EXOC6B: variants seen among roughly 807,000 people sequenced by gnomAD.
EXOC6B encodes exocyst complex component 6B.
EXOC6B carries 54 observed loss-of-function variants against 113.5 expected under a neutral mutation model. The ratio of observed to expected loss-of-function variants is 0.48; its 90% CI spans 0.38 to 0.60. The LOEUF (loss-of-function observed/expected upper bound fraction) is 0.60, where lower values mean the gene tolerates loss of function less well. Ranked by LOEUF, EXOC6B falls within the 20% of genes least tolerant of loss-of-function variation. The probability of loss-of-function intolerance (pLI) is 0.00; values close to 1 mark genes in which losing one functional copy is unlikely to be tolerated. For synonymous variants in EXOC6B, 357 were observed against 339.0 expected (o/e 1.05, Z -0.58); for missense variants, 797 against 977.5 (o/e 0.82, Z 2.46).
At chr2:72,720,502 C>T (rs189750267) in intron 5 of EXOC6B, among the ~76,000 whole-genome samples, 2 of 152,206 alleles carry the variant, frequency 1.3e-5, no homozygotes, top group Non-Finnish European at 2.9e-5. Context: ...AATGCCAACA[C>T]TTTGGGAGGT....
intron 6 of EXOC6B, among the ~76,000 whole-genome samples, chr2:72,586,722 A>AGCCT (rs922953508): frequency 6.6e-6 from 1 of 152,128 alleles, no homozygotes; most frequent in African/African-American, 2.4e-5. Flanking sequence ...ACTGCACGCT[A>AGCCT]GCCTGGCGGC....
rs539309236 is a variant in EXOC6B, at chr2:72,291,879, G to C, written c.2196+43068C>G. 4.0e-3 allele frequency among the ~76,000 whole-genome samples: 608 copies of C among 152,218 alleles called. 2 individuals are homozygous for C. The highest frequency in any genetic ancestry group is 0.014 in the African/African-American group (579 of 41,552). Reference sequence around the variant, plus strand: ...AAAAATTTAAAGAAAAAGTTAAAACGCTTAACAGTGCAAAAGTCTAAAACG... The same window carrying C: ...AAAAATTTAAAGAAAAAGTTAAAACCCTTAACAGTGCAAAAGTCTAAAACG... On this transcript the variant is annotated intron_variant, in intron 20 of 21. Transcript: ENST00000272427.
intron 8 of EXOC6B, among the ~76,000 whole-genome samples, chr2:72,536,540 T>G (rs1702301457): frequency 6.6e-6 from 1 of 152,242 alleles, no homozygotes; most frequent in Admixed American, 6.5e-5. Context: ...AAATTAGATG[T>G]ACATATTTTT....
intron 18 of EXOC6B, among the ~76,000 whole-genome samples, chr2:72,446,314 G>A (rs1387922515): frequency 6.6e-6 from 1 of 151,896 alleles, no homozygotes; most frequent in Non-Finnish European, 1.5e-5. Context: ...AGGAGGTGGA[G>A]GCCGCGGTGA....
intron 18 of EXOC6B, among the ~76,000 whole-genome samples, chr2:72,449,610 T>C (rs899262404): frequency 1.3e-5 from 2 of 150,476 alleles, no homozygotes; most frequent in African/African-American, 4.9e-5. Flanking sequence ...ATAAGAAAAA[T>C]ACAAAAATAT....
At chr2:72,603,370 C>T (rs542934164) in intron 6 of EXOC6B, among the ~76,000 whole-genome samples, 2 of 152,078 alleles carry the variant, frequency 1.3e-5, no homozygotes, top group African/African-American at 4.8e-5. Flanking sequence ...CTCCCCTGGC[C>T]CCCCAGCACC....
chr2:72,636,283 T>C (rs1490304650), intron 6 of EXOC6B, among the ~76,000 whole-genome samples: 3 of 102,642 alleles, frequency 2.9e-5, no homozygotes, highest in Non-Finnish European at 5.7e-5. Context: ...GAAGGAAAAA[T>C]GGAGGGAAGA....
chr2:72,519,116 ATAG>A (rs963226593), intron 8 of EXOC6B, among the ~76,000 whole-genome samples: 3 of 152,188 alleles, frequency 2.0e-5, no homozygotes, highest in African/African-American at 7.2e-5. Flanking sequence ...AGCAATACTC[ATAG>A]TTCTTTCATA....
chr2:72,809,984 G>A (rs181572800), intron 1 of EXOC6B, among the ~76,000 whole-genome samples: 21 of 152,202 alleles, frequency 1.4e-4, no homozygotes, highest in Middle Eastern at 3.4e-3. Flanking sequence ...CCAAGAAAAA[G>A]CATATCCTGG....
At chr2:72,676,662 C>T (rs1351439053) in intron 6 of EXOC6B, among the ~76,000 whole-genome samples, 1 of 152,174 alleles carries the variant, frequency 6.6e-6, no homozygotes, top group Non-Finnish European at 1.5e-5. Context: ...TGGCTACCTG[C>T]ACAGACTACA....
chr2:72,638,212 G>A (rs1672982877), intron 6 of EXOC6B, among the ~76,000 whole-genome samples: 3 of 152,056 alleles, frequency 2.0e-5, no homozygotes, highest in Admixed American at 2.0e-4. Flanking sequence ...ATCACTAGAG[G>A]CTACTATGAG....
At chr2:72,656,337 A>T (rs985351231) in intron 6 of EXOC6B, among the ~76,000 whole-genome samples, 3 of 152,124 alleles carry the variant, frequency 2.0e-5, no homozygotes, top group Non-Finnish European at 4.4e-5. Context: ...ATATTATCAG[A>T]TTTCTATCTC....
intron 17 of EXOC6B, among the ~76,000 whole-genome samples, chr2:72,468,516 G>A (rs564548921): frequency 6.6e-5 from 10 of 152,184 alleles, no homozygotes; most frequent in Admixed American, 2.6e-4. Context: ...ATGTTTTTAC[G>A]CCAGAATCAC....
At chr2:72,307,272 C>T (rs989330422) in intron 20 of EXOC6B, among the ~76,000 whole-genome samples, 4 of 151,766 alleles carry the variant, frequency 2.6e-5, no homozygotes, top group Admixed American at 6.6e-5. Flanking sequence ...CCCGAGTTGC[C>T]GGGACTACAG....
At chr2:72,348,875 G>T (rs1195557863) in intron 19 of EXOC6B, among the ~76,000 whole-genome samples, 1 of 152,116 alleles carries the variant, frequency 6.6e-6, no homozygotes, top group Non-Finnish European at 1.5e-5. Flanking sequence ...GTTCCACATG[G>T]GGTGTTTCTC....
chr2:72,412,565 G>A (rs1216091581), intron 18 of EXOC6B, among the ~76,000 whole-genome samples: 2 of 152,180 alleles, frequency 1.3e-5, no homozygotes, highest in African/African-American at 2.4e-5. Context: ...ACAGAAAGAT[G>A]AAGCTCACTA....
chr2:72,795,177 G>C (rs892061094), intron 1 of EXOC6B, among the ~76,000 whole-genome samples: 2 of 152,150 alleles, frequency 1.3e-5, no homozygotes, highest in Non-Finnish European at 2.9e-5. Flanking sequence ...GAGAGCCAGA[G>C]GTTAGGCCAG....
chr2:72,493,720 T>G (rs1340335042), intron 15 of EXOC6B, among the ~76,000 whole-genome samples: 1 of 152,108 alleles, frequency 6.6e-6, no homozygotes, highest in African/African-American at 2.4e-5. Context: ...AAATCTTTCT[T>G]TCAAAAAGAA....
At chr2:72,703,752 G>T (rs1482116862) in intron 6 of EXOC6B, among the ~76,000 whole-genome samples, 2 of 109,156 alleles carry the variant, frequency 1.8e-5, no homozygotes, top group Non-Finnish European at 3.7e-5. Context: ...AAGAATGCTT[G>T]TGATTTTTGT....
Sources: gnomAD v4.1 joint callset for allele counts (sites outside exome capture counted in the v4.1 genomes callset) on GRCh38, gnomAD v4.1.1 for gene constraint, MANE v1.5 for transcripts, NCBI Gene and HGNC (gene_info 2026-07-23, HGNC 2026-07-21) for gene names.